The following GRID2 variants were observed in gnomAD, a reference collection of about 807,000 sequenced individuals.
GRID2 encodes the protein glutamate receptor ionotropic, delta-2.
A neutral mutation model predicts 114.8 loss-of-function variants in GRID2; 33 were observed. The observed-to-expected ratio is 0.29, with a 90% CI of 0.22 to 0.38. The LOEUF (loss-of-function observed/expected upper bound fraction) is 0.38, where lower values mean the gene tolerates loss of function less well. Among genes scored for constraint, GRID2 ranks in the 10% least tolerant of loss-of-function variants. The pLI, the probability that GRID2 is intolerant of heterozygous loss-of-function variation, is 1.00. For missense variants in GRID2, 1,184 were observed against 1,257.7 expected, an observed-to-expected ratio of 0.94 and a Z score of 0.89; for synonymous variants, 505 against 449.9, an observed-to-expected ratio of 1.12 and a Z score of -1.55.
rs142521202 is a variant in GRID2, at chr4:93,138,580, A to G, written c.735+27627A>G. ...AATCTTGTCTTCAGATACTGCTGTA[A>G]CTACTCCCTCAGTTAATTACACCTC... is the stretch of plus-strand genomic sequence containing the variant. On this transcript the variant is annotated intron_variant, in intron 4 of 15. Transcript: ENST00000282020. Among the ~76,000 whole-genome samples, 349 of 152,246 alleles carry G rather than the reference A, an allele frequency of 2.3e-3. 1 individual carries two copies. Among genetic ancestry groups the G allele is most frequent in the African/African-American group, 8.0e-3 (331 of 41,558 alleles).
chr4:93,606,376 A>C (rs1179278159), intron 13 of GRID2, among the ~76,000 whole-genome samples: 1 of 152,208 alleles, frequency 6.6e-6, no homozygotes, highest in Non-Finnish European at 1.5e-5. Context: ...GAAATAATAC[A>C]GCCATTTAGG....
At chr4:93,351,160 A>G (rs544063547) in intron 8 of GRID2, among the ~76,000 whole-genome samples, 143 of 152,180 alleles carry the variant, frequency 9.4e-4, no homozygotes, top group Non-Finnish European at 1.5e-3. Flanking sequence ...TTGGGTGGGG[A>G]CACAGCCAAA....
In GRID2 at chr4:92,856,265, T is replaced by C. The variant is rs143303255; in HGVS notation, c.245-228730T>C. ...TATTATCATATTTTCATTCCTGTCCTTCTTGTCCTCTGAATTTCTATACCC... is the reference window on the plus strand; with the variant it reads ...TATTATCATATTTTCATTCCTGTCCCTCTTGTCCTCTGAATTTCTATACCC... On this transcript the variant is annotated intron_variant, in intron 2 of 15. Transcript: ENST00000282020. 5.9e-3 allele frequency among the ~76,000 whole-genome samples: 903 copies of C among 152,220 alleles called. 16 individuals carry two copies. Among genetic ancestry groups the C allele is most frequent in the African/African-American group, 0.021 (857 of 41,554 alleles).
Position 93,762,747 on chromosome 4 carries a change from G to C in GRID2, c.2361-6463G>C, listed in dbSNP as rs549150194. Among the ~76,000 whole-genome samples, 5 of 152,234 alleles carry C rather than the reference G, an allele frequency of 3.3e-5. No homozygotes were observed. The South Asian group carries it at 1.0e-3, about 32-fold the overall frequency. On this transcript the variant is annotated intron_variant, in intron 14 of 15. Transcript: ENST00000282020. ...AAGACCTCAGATCATTAAGAATGCAGAGCAGCAGGGTCAGGAAAAAGCACA... is the reference window on the plus strand; with the variant it reads ...AAGACCTCAGATCATTAAGAATGCACAGCAGCAGGGTCAGGAAAAAGCACA...
chr4:92,998,824 TAA>T (rs35765976), intron 2 of GRID2, among the ~76,000 whole-genome samples: 1 of 151,720 alleles, frequency 6.6e-6, no homozygotes, highest in Admixed American at 6.6e-5. Flanking sequence ...GAGGATCATT[TAA>T]AAAAATATTA....
intron 8 of GRID2, among the ~76,000 whole-genome samples, chr4:93,341,040 G>A (rs1254357941): frequency 6.6e-6 from 1 of 151,980 alleles, no homozygotes; most frequent in African/African-American, 2.4e-5. Flanking sequence ...AATCTCAATA[G>A]GGAAAGTAGA....
At chr4:92,476,424 C>CT (rs1722317955) in intron 1 of GRID2, among the ~76,000 whole-genome samples, 2 of 152,086 alleles carry the variant, frequency 1.3e-5, no homozygotes, top group South Asian at 2.1e-4. Flanking sequence ...GTAGTAGATT[C>CT]TTTATCTATA....
At chr4:92,989,881 A>C (rs1754759570) in intron 2 of GRID2, among the ~76,000 whole-genome samples, 1 of 152,296 alleles carries the variant, frequency 6.6e-6, no homozygotes, top group African/African-American at 2.4e-5. Flanking sequence ...GAAAGAAAAA[A>C]CATACAGAAA....
At chr4:92,352,930 G>C (rs1294676129) in intron 1 of GRID2, among the ~76,000 whole-genome samples, 1 of 151,728 alleles carries the variant, frequency 6.6e-6, no homozygotes, top group East Asian at 1.9e-4. Context: ...CATCAAGTTT[G>C]AGTTTTGGCT....
chr4:92,582,586 G>C (rs1307683406), intron 1 of GRID2, among the ~76,000 whole-genome samples: 1 of 151,818 alleles, frequency 6.6e-6, no homozygotes, highest in Non-Finnish European at 1.5e-5. Context: ...ATAAAAATAT[G>C]CCTAATTAAT....
At chr4:93,688,718 G>A (rs1726289669) in intron 14 of GRID2, among the ~76,000 whole-genome samples, 1 of 151,476 alleles carries the variant, frequency 6.6e-6, no homozygotes, top group African/African-American at 2.4e-5. Context: ...CCTCTTATAA[G>A]TACTTGTCAA....
At chr4:93,463,160 A>G (rs1369398300) in intron 11 of GRID2, among the ~76,000 whole-genome samples, 3 of 152,132 alleles carry the variant, frequency 2.0e-5, no homozygotes, top group Non-Finnish European at 4.4e-5. Flanking sequence ...CGAGGTGCCC[A>G]TTTTCTTTCT....
chr4:92,787,092 T>A (rs1487162800), intron 2 of GRID2, among the ~76,000 whole-genome samples: 1 of 151,944 alleles, frequency 6.6e-6, no homozygotes, highest in Non-Finnish European at 1.5e-5. Flanking sequence ...TGCATCTGAA[T>A]AACGGTTTCT....
chr4:92,769,572 T>A (rs1252340381), intron 2 of GRID2, among the ~76,000 whole-genome samples: 1 of 152,124 alleles, frequency 6.6e-6, no homozygotes, highest in African/African-American at 2.4e-5. Flanking sequence ...GCAGCAAACT[T>A]TTGCCTGGAC....
At chr4:92,595,635 C>T (rs969107755) in intron 2 of GRID2, among the ~76,000 whole-genome samples, 2 of 151,912 alleles carry the variant, frequency 1.3e-5, no homozygotes, top group African/African-American at 4.8e-5. Flanking sequence ...AAATAATTTC[C>T]AGTATATGAT....
chr4:92,478,834 A>G lies in GRID2; in HGVS notation c.89-111297A>G, dbSNP rs552016789. 2.4e-4 allele frequency among the ~76,000 whole-genome samples: 36 copies of G among 152,188 alleles called. 2 individuals carry two copies. In the South Asian group the frequency reaches 7.3e-3, roughly 31 times the overall value. On this transcript the variant is annotated intron_variant, in intron 1 of 15. Coordinates refer to ENST00000282020, the MANE Select transcript of GRID2 (RefSeq NM_001510.4). ...CAAATTTGTCATCAATTTTCTGTCC[A>G]CATCTCCCTATCTGAAATGTTTGCT...
intron 8 of GRID2, among the ~76,000 whole-genome samples, chr4:93,351,506 A>G (rs2149261357): frequency 6.6e-6 from 1 of 152,208 alleles, no homozygotes; most frequent in East Asian, 1.9e-4. Flanking sequence ...TTAGAAATAC[A>G]ACTATCAAGC....
chr4:93,115,696 A>T (rs532994241), intron 4 of GRID2, among the ~76,000 whole-genome samples: 6 of 152,158 alleles, frequency 3.9e-5, no homozygotes, highest in Non-Finnish European at 7.3e-5. Context: ...ATCATGGTGG[A>T]AGGTGAAAGG....
intron 2 of GRID2, among the ~76,000 whole-genome samples, chr4:93,057,394 C>T (rs1486336543): frequency 2.6e-5 from 4 of 151,752 alleles, no homozygotes; most frequent in African/African-American, 7.3e-5. Context: ...AAGAAAAAGT[C>T]GAGAGACACT....
Sources: gnomAD v4.1 joint callset for allele counts (sites outside exome capture counted in the v4.1 genomes callset) on GRCh38, gnomAD v4.1.1 for gene constraint, MANE v1.5 for transcripts, NCBI Gene and HGNC (gene_info 2026-07-23, HGNC 2026-07-21) for gene names.